PAPPA2: variants seen among roughly 807,000 people sequenced by gnomAD.
The protein encoded by PAPPA2 is pappalysin 2.
In PAPPA2, 86 loss-of-function variants were observed where a neutral mutation model predicts 176.4. The ratio of observed to expected loss-of-function variants is 0.49; its 90% CI spans 0.41 to 0.58. The LOEUF is 0.58. Ranked by LOEUF, PAPPA2 falls within the 20% of genes least tolerant of loss-of-function variation. PAPPA2 has a pLI of 0.00. For missense variants in PAPPA2, 2,073 were observed against 2,256.9 expected (o/e 0.92, Z 1.65); for synonymous variants, 809 against 852.2 (o/e 0.95, Z 0.88).
At chr1:176,576,760 C>T (rs1343913885) in intron 2 of PAPPA2, among the ~76,000 whole-genome samples, 1 of 152,188 alleles carries the variant, frequency 6.6e-6, no homozygotes, top group African/African-American at 2.4e-5. Flanking sequence ...AAATCAGAAT[C>T]CGCATTTATT....
intron 1 of PAPPA2, among the ~76,000 whole-genome samples, chr1:176,471,004 G>T (rs1407161351): frequency 1.3e-5 from 2 of 152,142 alleles, no homozygotes; most frequent in South Asian, 2.1e-4. Flanking sequence ...GGGACCCAGG[G>T]TTTGTCTTCT....
intron 2 of PAPPA2, among the ~76,000 whole-genome samples, chr1:176,564,107 G>A (rs1651822806): frequency 6.6e-6 from 1 of 152,044 alleles, no homozygotes; most frequent in South Asian, 2.1e-4. Flanking sequence ...TCCTGTATTG[G>A]CATCTACTTC....
intron 2 of PAPPA2, among the ~76,000 whole-genome samples, chr1:176,558,937 G>A (rs1224010607): frequency 6.6e-6 from 1 of 152,160 alleles, no homozygotes; most frequent in South Asian, 2.1e-4. Context: ...GCTGCTTTGG[G>A]TTACTAGAGG....
chr1:176,759,657 C>G (rs1285589799), intron 14 of PAPPA2, among the ~76,000 whole-genome samples: 1 of 152,056 alleles, frequency 6.6e-6, no homozygotes, highest in African/African-American at 2.4e-5. Context: ...CTGAGCTCCC[C>G]GAATATGGAC....
intron 14 of PAPPA2, among the ~76,000 whole-genome samples, chr1:176,757,457 G>T (rs975192910): frequency 2.3e-4 from 35 of 152,202 alleles, no homozygotes; most frequent in Admixed American, 2.6e-4. Context: ...CTGATGACCA[G>T]TGATGATGAG....
At chr1:176,705,568 A>G (rs1571204275) in intron 9 of PAPPA2, among the ~76,000 whole-genome samples, 1 of 152,298 alleles carries the variant, frequency 6.6e-6, no homozygotes, top group South Asian at 2.1e-4. Flanking sequence ...TGCAATAGCC[A>G]AATATTGGTT....
At chr1:176,779,036 C>T (rs763496338) in intron 17 of PAPPA2, among the ~76,000 whole-genome samples, 2 of 152,156 alleles carry the variant, frequency 1.3e-5, no homozygotes. Flanking sequence ...CATCCATGCT[C>T]TCACTTCAAA....
chr1:176,604,503 T>C (rs543265141), intron 3 of PAPPA2, among the ~76,000 whole-genome samples: 8 of 152,326 alleles, frequency 5.3e-5, no homozygotes, highest in South Asian at 2.1e-4. Context: ...CTATCACGTG[T>C]TTTTGTAAAT....
chr1:176,658,128 C>A (rs764521940), intron 3 of PAPPA2, among the ~76,000 whole-genome samples: 57 of 152,078 alleles, frequency 3.7e-4, no homozygotes, highest in South Asian at 1.5e-3. Context: ...TATGTATATA[C>A]ATGTGAAATC....
At chr1:176,769,225 G>C (rs1279978090) in intron 15 of PAPPA2, among the ~76,000 whole-genome samples, 1 of 152,194 alleles carries the variant, frequency 6.6e-6, no homozygotes, top group Non-Finnish European at 1.5e-5. Flanking sequence ...CCAGGCTGCT[G>C]ACACTGTGTC....
chr1:176,723,917 G>T (rs531191217), intron 12 of PAPPA2, among the ~76,000 whole-genome samples: 1 of 152,238 alleles, frequency 6.6e-6, no homozygotes, highest in South Asian at 2.1e-4. Context: ...CTATAGCCTT[G>T]TGAGTTTGGC....
At chr1:176,517,552 G>T (rs1340887592) in intron 1 of PAPPA2, among the ~76,000 whole-genome samples, 3 of 152,192 alleles carry the variant, frequency 2.0e-5, no homozygotes, top group Admixed American at 2.0e-4. Flanking sequence ...GGTGTTTAGG[G>T]AAGGCAGTGA....
chr1:176,511,250 GACTTTTCAGA>G (rs1377907255), intron 1 of PAPPA2, among the ~76,000 whole-genome samples: 2 of 152,146 alleles, frequency 1.3e-5, no homozygotes, highest in Non-Finnish European at 2.9e-5. Context: ...CAGAAAAAAG[GACTTTTCAGA>G]ACAAGGTATA....
chr1:176,648,028 G>T lies in PAPPA2; in HGVS notation c.1992-22942G>T, dbSNP rs561901287. On this transcript the variant is annotated intron_variant, in intron 3 of 22. Coordinates refer to ENST00000367662, the MANE Select transcript of PAPPA2 (RefSeq NM_020318.3). Reference sequence around the variant, plus strand: ...TTGCATTGAATCTGTCTATTGCTTTGTCTAGTCATTTTAACAACATTAATT... The same window carrying T: ...TTGCATTGAATCTGTCTATTGCTTTTTCTAGTCATTTTAACAACATTAATT... Among the ~76,000 whole-genome samples, 3 of 151,424 alleles carry T rather than the reference G, an allele frequency of 2.0e-5. No individual in the cohort carries two copies. The East Asian group carries it at 5.9e-4, about 30-fold the overall frequency.
At chr1:176,634,989 A>AGATC (rs1656610076) in intron 3 of PAPPA2, among the ~76,000 whole-genome samples, 1 of 150,390 alleles carries the variant, frequency 6.6e-6, no homozygotes, top group Non-Finnish European at 1.5e-5. Context: ...ATAGATAGAT[A>AGATC]GATAGATAGA....
At chr1:176,809,108 G>T (rs1428005134) in intron 21 of PAPPA2, among the ~76,000 whole-genome samples, 26 of 152,188 alleles carry the variant, frequency 1.7e-4, no homozygotes, top group Non-Finnish European at 2.1e-4. Context: ...CTCCCTCTCT[G>T]ATATGGTTAC....
intron 1 of PAPPA2, among the ~76,000 whole-genome samples, chr1:176,480,930 C>T (rs1354357087): frequency 3.9e-5 from 6 of 152,072 alleles, no homozygotes; most frequent in East Asian, 1.9e-4. Context: ...CTCTCCTGGG[C>T]GTACCTGTGA....
intron 21 of PAPPA2, among the ~76,000 whole-genome samples, chr1:176,832,849 T>C (rs1363353807): frequency 6.6e-6 from 1 of 152,218 alleles, no homozygotes; most frequent in Non-Finnish European, 1.5e-5. Flanking sequence ...ATTTTTGTCC[T>C]ATTTGATTAT....
intron 1 of PAPPA2, among the ~76,000 whole-genome samples, chr1:176,538,999 C>T (rs6697057): frequency 0.14 from 21,295 of 152,152 alleles, 1,676 homozygotes; most frequent in African/African-American, 0.19. Context: ...TCCTTTCACC[C>T]ACATGCTAAT....
Sources: allele counts gnomAD v4.1 joint callset (sites outside exome capture counted in the v4.1 genomes callset), GRCh38; gene constraint gnomAD v4.1.1; transcripts MANE v1.5; gene names NCBI Gene and HGNC (gene_info 2026-07-23, HGNC 2026-07-21).